The following ILDR1 variants were observed in gnomAD, a reference collection of about 807,000 sequenced individuals.
The protein encoded by ILDR1 is immunoglobulin-like domain-containing receptor 1.
In ILDR1, 56 loss-of-function variants were observed where a neutral mutation model predicts 62.4. That is an observed-to-expected ratio of 0.90 (90% CI 0.72 to 1.12). The LOEUF is 1.12. Among genes scored for constraint, ILDR1 ranks in the 50% most tolerant of loss-of-function variants. ILDR1 has a pLI of 0.00. For synonymous variants in ILDR1, 284 were observed against 277.8 expected (o/e 1.02, Z -0.22); for missense variants, 736 against 710.6 (o/e 1.04, Z -0.41).
chr3:122,017,512 A>G (rs2071793622), intron 1 of ILDR1, among the ~76,000 whole-genome samples: 1 of 152,236 alleles, frequency 6.6e-6, no homozygotes, highest in African/African-American at 2.4e-5. Flanking sequence ...AAACATTAGC[A>G]TTTAGTTAGA....
the ILDR1 span, among the ~76,000 whole-genome samples, chr3:122,040,229 C>T: frequency 5.3e-4 from 81 of 151,972 alleles, no homozygotes; most frequent in Admixed American, 4.1e-3. Flanking sequence ...TTTACATTCT[C>T]ACCTCACCAA....
At chr3:122,030,730 A>G in the ILDR1 span, among the ~76,000 whole-genome samples, 1 of 151,922 alleles carries the variant, frequency 6.6e-6, no homozygotes, top group African/African-American at 2.4e-5. Context: ...AGGTCAGTCC[A>G]CATACATCTC....
At position 121,988,092 on chromosome 3, in the gene ILDR1, T is replaced by C. The variant is rs2071278048; in HGVS notation, c.*275A>G. On this transcript the variant is annotated 3_prime_UTR_variant, in exon 8 of 8. Transcript: ENST00000344209. ...CACACCTAACTAATTTTTATATTTT[T>C]TGTAGAGACGGGGTCTCACTATGTT... 6.2e-6 allele frequency: 3 copies of C among 481,510 alleles called. No homozygotes were observed. In the Admixed American group the frequency reaches 8.2e-5, roughly 13 times the overall value. The allele number at this position is 481,510 out of a possible 1,614,324, so 29.8% of individuals were successfully genotyped here.
intron 1 of ILDR1, among the ~76,000 whole-genome samples, chr3:122,007,520 T>G (rs943143496): frequency 3.9e-5 from 6 of 152,210 alleles, no homozygotes; most frequent in Admixed American, 1.3e-4. Context: ...TGTCTCTTCT[T>G]AAAATGGTTT....
chr3:121,994,409 A>G, intron 5 of ILDR1, 96 bp from the exon 6 acceptor site: 1 of 1,362,216 alleles, frequency 7.3e-7, no homozygotes, highest in Non-Finnish European at 9.7e-7. Context: ...GCAAGAGGCC[A>G]GCTTCTCTTG....
At chr3:122,053,559 T>C in the ILDR1 span, among the ~76,000 whole-genome samples, 1 of 152,228 alleles carries the variant, frequency 6.6e-6, no homozygotes, top group Non-Finnish European at 1.5e-5. Flanking sequence ...CTTTTTTGTG[T>C]GTATGAGACA....
the ILDR1 span, among the ~76,000 whole-genome samples, chr3:122,059,674 T>A: frequency 6.6e-6 from 1 of 152,228 alleles, no homozygotes; most frequent in African/African-American, 2.4e-5. Flanking sequence ...CTGTAGTGAC[T>A]ACATGTTAAG....
At chr3:122,045,414 T>G in the ILDR1 span, among the ~76,000 whole-genome samples, 19 of 152,100 alleles carry the variant, frequency 1.2e-4, no homozygotes, top group African/African-American at 4.6e-4. Flanking sequence ...GGTGGAGAGT[T>G]CTGTAGATGT....
intron 1 of ILDR1, among the ~76,000 whole-genome samples, chr3:122,018,231 G>T (rs1253518708): frequency 6.6e-6 from 1 of 152,156 alleles, no homozygotes; most frequent in African/African-American, 2.4e-5. Context: ...ATGAGTTCAT[G>T]TCCTTTGCAG....
the ILDR1 span, among the ~76,000 whole-genome samples, chr3:122,035,863 A>G: frequency 6.6e-6 from 1 of 152,236 alleles, no homozygotes; most frequent in Admixed American, 6.5e-5. Flanking sequence ...CTACAAAGAT[A>G]ACTGAAAATG....
the ILDR1 span, among the ~76,000 whole-genome samples, chr3:122,054,805 T>C: frequency 6.6e-6 from 1 of 152,218 alleles, no homozygotes; most frequent in African/African-American, 2.4e-5. Context: ...TGCTGCCTTT[T>C]TTTCAGACTT....
chr3:122,045,864 C>G, the ILDR1 span, among the ~76,000 whole-genome samples: 1 of 151,352 alleles, frequency 6.6e-6, no homozygotes, highest in Admixed American at 6.6e-5. Context: ...GGTCTTGACT[C>G]TTTATCCAGT....
chr3:122,032,648 G>A, the ILDR1 span, among the ~76,000 whole-genome samples: 3 of 152,166 alleles, frequency 2.0e-5, no homozygotes, highest in Admixed American at 6.5e-5. Context: ...TAGCAGAAGT[G>A]GTAGTGTATT....
intron 1 of ILDR1, among the ~76,000 whole-genome samples, chr3:122,017,404 T>C (rs1270577817): frequency 6.6e-6 from 1 of 152,210 alleles, no homozygotes; most frequent in Non-Finnish European, 1.5e-5. Flanking sequence ...GGACTTCAGA[T>C]AATGAAATAA....
the ILDR1 span, among the ~76,000 whole-genome samples, chr3:122,029,532 A>G: frequency 6.7e-6 from 1 of 148,780 alleles, no homozygotes; most frequent in Non-Finnish European, 1.5e-5. Flanking sequence ...ATATATATAT[A>G]TTTAGGGGAA....
the ILDR1 span, among the ~76,000 whole-genome samples, chr3:122,040,733 A>C: frequency 1.6e-5 from 2 of 122,408 alleles, no homozygotes; most frequent in East Asian, 1.9e-4. Context: ...CAAAAAAAAA[A>C]AAAGAAAAAA....
At chr3:121,999,988 T>C (rs924530867) in intron 5 of ILDR1, among the ~76,000 whole-genome samples, 6 of 152,162 alleles carry the variant, frequency 3.9e-5, no homozygotes, top group African/African-American at 1.4e-4. Context: ...ATTTGTTTCA[T>C]TGCTGCCTCC....
upstream of ILDR1, among the ~76,000 whole-genome samples, chr3:122,025,898 A>G (rs1246861605): frequency 1.3e-5 from 2 of 152,210 alleles, no homozygotes; most frequent in Non-Finnish European, 2.9e-5. Flanking sequence ...AGTATCTGAA[A>G]TATAGATATA....
chr3:122,016,531 T>C (rs1469713387), intron 1 of ILDR1, among the ~76,000 whole-genome samples: 1 of 152,250 alleles, frequency 6.6e-6, no homozygotes, highest in African/African-American at 2.4e-5. Flanking sequence ...TAACCATGTC[T>C]AGTACAGCCA....
Sources: gnomAD v4.1 joint callset for allele counts (sites outside exome capture counted in the v4.1 genomes callset) on GRCh38, gnomAD v4.1.1 for gene constraint, MANE v1.5 for transcripts, NCBI Gene and HGNC (gene_info 2026-07-23, HGNC 2026-07-21) for gene names.